AGRN: variants seen among roughly 807,000 people sequenced by gnomAD.
AGRN encodes the protein agrin, also known as agrin proteoglycan.
In AGRN, 106 loss-of-function variants were observed where a neutral mutation model predicts 211.0. That is an observed-to-expected ratio of 0.50 (90% CI 0.43 to 0.59). AGRN has a LOEUF of 0.59. AGRN is among the 20% of genes least tolerant of loss of function. AGRN has a pLI of 0.00. For synonymous variants in AGRN, 1,525 were observed against 1,332.5 expected (o/e 1.14, Z -3.15); for missense variants, 3,040 against 2,982.6 (o/e 1.02, Z -0.45).
intron 2 of AGRN, among the ~76,000 whole-genome samples, chr1:1,027,192 C>T (rs917784376): frequency 6.6e-6 from 1 of 152,244 alleles, no homozygotes; most frequent in Non-Finnish European, 1.5e-5. Flanking sequence ...CTGTGTCCTA[C>T]AGGCAGCCGG....
intron 12 of AGRN, 91 bp downstream of exon 12, chr1:1,044,530 G>C: frequency 7.6e-7 from 1 of 1,320,218 alleles, no homozygotes; most frequent in Non-Finnish European, 1.1e-6. Context: ...TGCTGCGTTG[G>C]GCCCCTGTGG....
chr1:1,040,379 G>A (rs909646313), intron 3 of AGRN, among the ~76,000 whole-genome samples: 1 of 152,212 alleles, frequency 6.6e-6, no homozygotes, highest in Non-Finnish European at 1.5e-5. Flanking sequence ...AGAGTCGGGT[G>A]CCGCCTGCGG....
rs959904878 is a variant in AGRN, at chr1:1,032,309, T to C, written c.464-2968T>C. On this transcript the variant is annotated intron_variant, in intron 2 of 35. Coordinates refer to ENST00000379370, the MANE Select transcript of AGRN (RefSeq NM_198576.4). This position sits in a 1 kb window ranked among gnomAD's most constrained non-coding sequence, Gnocchi z 4.7. ...TCTGGGTGATGGGGCATGGTGCTGG[T>C]CCCTGGCTGTGGGGTGGAAAGGAGT... is the stretch of plus-strand genomic sequence containing the variant. 7.2e-5 allele frequency among the ~76,000 whole-genome samples: 11 copies of C among 152,134 alleles called. No individual in the cohort carries two copies. Among genetic ancestry groups the C allele is most frequent in the Admixed American group, 1.3e-4 (2 of 15,274 alleles).
chr1:1,054,497 G>A lies in AGRN; in HGVS notation c.5926G>A (p.Gly1976Ser), dbSNP rs781607506. ...GGTGGGCAATGAGGCCCCTGTGACCGGCTCCTCCCCGCTGGGCGCCACGCA... is the reference window on the plus strand; with the variant it reads ...GGTGGGCAATGAGGCCCCTGTGACCAGCTCCTCCCCGCTGGGCGCCACGCA... ...LQVGNEAPVT[G>S]SSPLGATQLD... The change falls in exon 35 of 36, where the codon GGC (glycine) becomes AGC (serine). Residue 1976 changes from glycine to serine, a missense_variant. Physicochemically the swap from Gly to Ser is moderately conservative, Grantham distance 56. This residue lies in a region of AGRN where 1,537 missense variants were observed against 1,505.0 expected (regional missense o/e 1.02). Transcript: ENST00000379370. 2.9e-5 allele frequency: 47 copies of A among 1,603,488 alleles called. No individual in the cohort carries two copies. The highest frequency in any genetic ancestry group is 8.5e-5 in the Admixed American group (5 of 58,764).
At position 1,044,383 on chromosome 1, in the gene AGRN, A is replaced by C. The variant is rs1286678569; in HGVS notation, c.2198A>C (p.Lys733Thr). 2 of 1,612,642 alleles carry C rather than the reference A, an allele frequency of 1.2e-6. No homozygotes were observed. The highest frequency in any genetic ancestry group is 2.2e-5 in the East Asian group (1 of 44,860). ...TACAGCACCGAGTGTGAGCTGAAGA[A>C]GGCCAGGTGTGAGTCACAGCGAGGG... Reference protein sequence around the residue: ...VTYSTECELKKARCESQRGLY... With the variant: ...VTYSTECELKTARCESQRGLY... Residue 733 changes from lysine (K) to threonine (T), a missense_variant, in exon 12 of 36, where the codon AAG becomes ACG. Lys to Thr is a moderately conservative substitution (Grantham distance 78). Coordinates refer to ENST00000379370, the MANE Select transcript of AGRN (RefSeq NM_198576.4).
At position 1,020,216 on chromosome 1, in the gene AGRN, C is replaced by T. The variant is rs764659938; in HGVS notation, c.44C>T (p.Pro15Leu). ...CCGGGCCCGCTGCGGCCGCTGCTGCCGCTCCTTGTGGTGGCCGCGTGCGTC... is the reference window on the plus strand; with the variant it reads ...CCGGGCCCGCTGCGGCCGCTGCTGCTGCTCCTTGTGGTGGCCGCGTGCGTC... ...SHPGPLRPLL[P>L]LLVVAACVLP... is the part of the protein sequence containing the mutation. Residue 15 changes from proline to leucine, a missense_variant, in exon 1 of 36, where the codon CCG (proline) becomes CTG (leucine). Around this residue, in one of 3 missense-constraint regions of AGRN, gnomAD observed 1,498 missense variants for 1,457.8 expected, o/e 1.03. Transcript: ENST00000379370. The T allele has an allele frequency of 2.1e-6, 3 of 1,396,032 alleles. No individual in the cohort carries two copies. Among genetic ancestry groups the T allele is most frequent in the Admixed American group, 6.2e-5 (2 of 32,362 alleles). The allele number at this position is 1,396,032 out of a possible 1,614,324, so 86.5% of individuals were successfully genotyped here.
chr1:1,051,901 G>A, intron 33 of AGRN, 86 bp downstream of exon 33: 2 of 1,566,538 alleles, frequency 1.3e-6, no homozygotes, highest in Non-Finnish European at 1.7e-6. Context: ...GGGCCCAGGA[G>A]GGGACGGCCC....
chr1:1,025,946 C>T (rs1222052167), intron 2 of AGRN, among the ~76,000 whole-genome samples: 4 of 152,114 alleles, frequency 2.6e-5, no homozygotes, highest in African/African-American at 9.7e-5. Flanking sequence ...GGACTTGTCC[C>T]GTCTTTGACT....
At chr1:1,044,508 G>T (rs1166098073) in intron 12 of AGRN, 69 bp downstream of exon 12, 9 of 1,488,200 alleles carry the variant, frequency 6.0e-6, no homozygotes, top group Non-Finnish European at 8.2e-6. Context: ...TCTGGATGTG[G>T]GCGTGCCCGT....
chr1:1,034,011 G>T (rs912133584), intron 2 of AGRN: 2 of 604,918 alleles, frequency 3.3e-6, no homozygotes, highest in Non-Finnish European at 4.1e-6. Context: ...CCCCAGCCCC[G>T]CGGGGACGAG....
rs115493882 is a variant in AGRN, at chr1:1,035,535, C to T, written c.511+211C>T. 0.022 allele frequency among the ~76,000 whole-genome samples: 3,425 copies of T among 152,326 alleles called. 86 individuals carry two copies. The highest frequency in any genetic ancestry group is 0.063 in the African/African-American group (2,629 of 41,566). ...GCCGCCGCCTGACGGCACTGGACCTCGGCTCTCACTTCTCTGGGCCTCAGC... is the reference window on the plus strand; with the variant it reads ...GCCGCCGCCTGACGGCACTGGACCTTGGCTCTCACTTCTCTGGGCCTCAGC... On this transcript the variant is annotated intron_variant, in intron 3 of 35. Transcript: ENST00000379370.
At chr1:1,022,130 C>T (rs1644419073) in intron 1 of AGRN, 71 bp from the exon 2 acceptor site, 4 of 1,589,128 alleles carry the variant, frequency 2.5e-6, no homozygotes, top group Admixed American at 1.7e-5. Flanking sequence ...TTGCCCTAAA[C>T]ACCTAAAGCC....
At chr1:1,024,757 C>G (rs763954950) in intron 2 of AGRN, among the ~76,000 whole-genome samples, 1 of 151,958 alleles carries the variant, frequency 6.6e-6, no homozygotes, top group Non-Finnish European at 1.5e-5. Flanking sequence ...GGCCCCTCCC[C>G]CAGTCAACAA....
At position 1,043,729 on chromosome 1, in the gene AGRN, T is replaced by C. The variant is rs777407413; in HGVS notation, c.1795T>C (p.Cys599Arg). Residue 599 changes from cysteine to arginine, a missense_variant, in exon 9 of 36, where the codon TGT (cysteine) becomes CGT (arginine). Around this residue, in one of 3 missense-constraint regions of AGRN, gnomAD observed 1,498 missense variants for 1,457.8 expected, o/e 1.03. Transcript: ENST00000379370. ...CCTGCACGTGGCCTCAGCTGGACCCTGTGGTGAGTGAGGCCCTGGGGCCGG... is the reference window on the plus strand; with the variant it reads ...CCTGCACGTGGCCTCAGCTGGACCCCGTGGTGAGTGAGGCCCTGGGGCCGG... ...ISLHVASAGPCETCGDAVCAF... is the reference protein window; with the variant it reads ...ISLHVASAGPRETCGDAVCAF... The C allele has an allele frequency of 2.5e-6, 4 of 1,601,260 alleles. No homozygotes were observed. The highest frequency in any genetic ancestry group is 3.4e-6 in the Non-Finnish European group (4 of 1,179,738).
At chr1:1,040,274 G>A (rs969415163) in intron 3 of AGRN, among the ~76,000 whole-genome samples, 2 of 152,224 alleles carry the variant, frequency 1.3e-5, no homozygotes, top group African/African-American at 4.8e-5. Context: ...CTGGGGCCTG[G>A]ACTGCTTGTG....
At position 1,044,344 on chromosome 1, in the gene AGRN, C is replaced by T. The variant is rs2100649359; in HGVS notation, c.2159C>T (p.Ser720Leu). 3 of 1,612,712 alleles carry T rather than the reference C, an allele frequency of 1.9e-6. No homozygotes were observed. The highest frequency in any genetic ancestry group is 2.5e-6 in the Non-Finnish European group (3 of 1,179,838). ...GACACCACCCTCCAGGTGTGCGGCT[C>T]AGATGGGGTCACCTACAGCACCGAG... is the stretch of plus-strand genomic sequence containing the variant. Reference protein sequence around the residue: ...QSVPGSPVCGSDGVTYSTECE... With the variant: ...QSVPGSPVCGLDGVTYSTECE... The change falls in exon 12 of 36, where the codon TCA (serine) becomes TTA (leucine). Residue 720 changes from serine to leucine, a missense_variant. Coordinates refer to ENST00000379370, the MANE Select transcript of AGRN (RefSeq NM_198576.4).
chr1:1,042,582 CGT>C (rs1644974655), intron 7 of AGRN, among the ~76,000 whole-genome samples: 2 of 152,268 alleles, frequency 1.3e-5, no homozygotes, highest in Admixed American at 1.3e-4. Context: ...CGTCGTGTCC[CGT>C]CGTGTTCGTC....
In AGRN at chr1:1,050,345, G is replaced by T. The variant is rs752337351; in HGVS notation, c.4976+16G>T. 6.2e-7 allele frequency: 1 copy of T among 1,612,780 alleles called. No individual in the cohort carries two copies. The highest frequency in any genetic ancestry group is 8.5e-7 in the Non-Finnish European group (1 of 1,179,886). Reference sequence around the variant, plus strand: ...GGGACCTGGGGTCGGTGGGGCAGGAGCAGGGGGAAGGGCCGGCCCCCACCT... The same window carrying T: ...GGGACCTGGGGTCGGTGGGGCAGGATCAGGGGGAAGGGCCGGCCCCCACCT... On this transcript the variant is annotated intron_variant, in intron 28 of 35. Transcript: ENST00000379370.
Position 1,022,206 on chromosome 1 carries a change from G to A in AGRN, c.207G>A (p.Arg69=). The change falls in exon 2 of 36, where the codon CGG becomes CGA. Residue 69 remains arginine (R), a synonymous_variant. Transcript: ENST00000379370. Reference sequence around the variant, plus strand: ...TACCGCCATGTCCACCCCAGGTTCGGGTCTGGCGGTACTTGAAGGGCAAAG... The same window carrying A: ...TACCGCCATGTCCACCCCAGGTTCGAGTCTGGCGGTACTTGAAGGGCAAAG... ...PVQHTYSCKV[R]VWRYLKGKDL... 6.2e-7 allele frequency: 1 copy of A among 1,612,990 alleles called. No homozygotes were observed. Among genetic ancestry groups the A allele is most frequent in the Non-Finnish European group, 8.5e-7 (1 of 1,180,000 alleles).
Sources: gnomAD v4.1 joint callset for allele counts (sites outside exome capture counted in the v4.1 genomes callset) on GRCh38, gnomAD v4.1.1 for gene constraint, gnomAD v4.1.1 regional missense constraint, Gnocchi (gnomAD v3.1) non-coding constraint, MANE v1.5 for transcripts, NCBI Gene and HGNC (gene_info 2026-07-23, HGNC 2026-07-21) for gene names.